MBP: variants seen among roughly 807,000 people sequenced by gnomAD.
The protein encoded by MBP is myelin basic protein.
Under a neutral mutation model 35.8 loss-of-function variants are expected in MBP, and 16 were observed. That is an observed-to-expected ratio of 0.45 (90% CI 0.30 to 0.68). The LOEUF is 0.68. Among genes scored for constraint, MBP ranks in the 30% least tolerant of loss-of-function variants. The pLI is 0.08. For synonymous variants in MBP, 143 were observed against 159.6 expected (o/e 0.90, Z 0.78); for missense variants, 380 against 404.7 (o/e 0.94, Z 0.52).
At chr18:77,078,146 C>G (rs1391604988) in intron 2 of MBP, among the ~76,000 whole-genome samples, 1 of 152,230 alleles carries the variant, frequency 6.6e-6, no homozygotes, top group Non-Finnish European at 1.5e-5. Context: ...CTCAAACCCT[C>G]TCATCTGTCT....
chr18:77,018,338 A>C, intron 3 of MBP, among the ~76,000 whole-genome samples: 1 of 125,608 alleles, frequency 8.0e-6, no homozygotes, highest in Admixed American at 8.9e-5. Flanking sequence ...TCATCCATCC[A>C]TCTATCCATC....
intron 4 of MBP, among the ~76,000 whole-genome samples, chr18:77,008,918 C>T (rs1971159677): frequency 6.6e-6 from 1 of 152,192 alleles, no homozygotes; most frequent in Non-Finnish European, 1.5e-5. Context: ...GTAAATGGTC[C>T]CCCCTTGCCG....
rs561084889 is a variant in MBP, at chr18:77,019,707, G to C, written c.140-2439C>G. Among the ~76,000 whole-genome samples the C allele has an allele frequency of 3.9e-5, 6 of 152,348 alleles. 1 individual carries two copies. Among genetic ancestry groups the C allele is most frequent in the African/African-American group, 1.2e-4 (5 of 41,584 alleles). The stretch of plus-strand genomic sequence containing the variant: ...AGAACAGGAAAGCAGAGAGGGCTTG[G>C]GTCAGCAGGAAGGTCCTTGCGGAAA... On this transcript the variant is annotated intron_variant, in intron 3 of 8. Coordinates refer to ENST00000355994, the MANE Select transcript of MBP (RefSeq NM_001025101.2).
intron 1 of MBP, chr18:77,112,945 AT>A (rs909502716): frequency 1.1e-4 from 16 of 148,170 alleles, no homozygotes; most frequent in East Asian, 2.0e-4. Context: ...AAGGAGAGGG[AT>A]TTTTTTTTTT....
At chr18:76,985,407 T>C in intron 7 of MBP, 2 of 1,222,516 alleles carry the variant, frequency 1.6e-6, no homozygotes, top group Non-Finnish European at 2.1e-6. Flanking sequence ...TCTGGTCACA[T>C]GTGCCCTGTG....
chr18:77,127,282 AG>A (rs1599290465), intron 1 of MBP: 2 of 152,370 alleles, frequency 1.3e-5, no homozygotes, highest in East Asian at 3.9e-4. Context: ...TAATGGAAGA[AG>A]GATCACCTTT....
intron 7 of MBP, chr18:76,987,136 G>T (rs111578638): frequency 1.0e-6 from 1 of 985,460 alleles, no homozygotes; most frequent in Non-Finnish European, 1.2e-6. Flanking sequence ...CGGCCTGTGT[G>T]CAACCCCCCA....
intron 3 of MBP, among the ~76,000 whole-genome samples, chr18:77,021,095 G>A (rs1031226714): frequency 9.9e-5 from 15 of 152,098 alleles, no homozygotes; most frequent in African/African-American, 1.4e-4. Flanking sequence ...TCCACCCTCC[G>A]CTCCGTACAG....
At chr18:77,027,122 G>C (rs557019241) in intron 3 of MBP, among the ~76,000 whole-genome samples, 9 of 152,216 alleles carry the variant, frequency 5.9e-5, no homozygotes, top group African/African-American at 2.2e-4. Flanking sequence ...GGAAAAGTTA[G>C]GGATGAAAAT....
chr18:77,070,741 A>G (rs570411694), intron 2 of MBP, among the ~76,000 whole-genome samples: 1 of 152,238 alleles, frequency 6.6e-6, no homozygotes, highest in East Asian at 1.9e-4. Flanking sequence ...GGAACTCGAG[A>G]GGTCCACCCT....
intron 3 of MBP, among the ~76,000 whole-genome samples, chr18:77,065,319 G>A (rs1378014647): frequency 6.6e-6 from 1 of 152,094 alleles, no homozygotes; most frequent in African/African-American, 2.4e-5. Context: ...ATTAAGAGTT[G>A]GCTCAGGCCT....
At chr18:76,997,843 G>A (rs1018647224) in intron 4 of MBP, among the ~76,000 whole-genome samples, 1 of 152,104 alleles carries the variant, frequency 6.6e-6, no homozygotes, top group Non-Finnish European at 1.5e-5. Context: ...CACCACGCCC[G>A]GCTGATTTTT....
At chr18:77,062,693 G>T (rs537640945) in intron 3 of MBP, among the ~76,000 whole-genome samples, 1 of 152,178 alleles carries the variant, frequency 6.6e-6, no homozygotes, top group Non-Finnish European at 1.5e-5. Context: ...GGAAGGCTGC[G>T]TGGTTTTAGT....
Position 77,020,501 on chromosome 18 carries a change from A to G in MBP, c.140-3233T>C, listed in dbSNP as rs1971947407. Among the ~76,000 whole-genome samples, 1 of 152,130 alleles carries G rather than the reference A, an allele frequency of 6.6e-6. No individual in the cohort carries two copies. Among genetic ancestry groups the G allele is most frequent in the African/African-American group, 2.4e-5 (1 of 41,422 alleles). ...TATGGTCCTGTCACTGCTATGACTC[A>G]TTGCAATGAGAGGTGCATGGCGAAG... On this transcript the variant is annotated intron_variant, in intron 3 of 8. Coordinates refer to ENST00000355994, the MANE Select transcript of MBP (RefSeq NM_001025101.2). This position sits in a 1 kb window ranked among gnomAD's most constrained non-coding sequence, Gnocchi z 4.1.
chr18:77,122,498 G>A (rs377069368), intron 1 of MBP, among the ~76,000 whole-genome samples: 5 of 144,408 alleles, frequency 3.5e-5, no homozygotes, highest in East Asian at 1.9e-4. Flanking sequence ...AGTGAACTGC[G>A]GCATAGAAGA....
intron 3 of MBP, among the ~76,000 whole-genome samples, chr18:77,063,388 G>C (rs1376529380): frequency 2.0e-5 from 3 of 152,312 alleles, no homozygotes; most frequent in East Asian, 3.9e-4. Context: ...TCCTGGGCCA[G>C]CCTCCCCTAG....
intron 1 of MBP, among the ~76,000 whole-genome samples, chr18:77,118,958 C>A (rs1393176414): frequency 6.6e-6 from 1 of 152,208 alleles, no homozygotes; most frequent in Non-Finnish European, 1.5e-5. Context: ...CATGGTGCTC[C>A]TTCCTGCTGT....
intron 2 of MBP, among the ~76,000 whole-genome samples, chr18:77,099,907 G>C (rs1228703992): frequency 6.6e-6 from 1 of 152,258 alleles, no homozygotes; most frequent in Non-Finnish European, 1.5e-5. Context: ...GGACAGGGCA[G>C]AGACTGCGTG....
intron 3 of MBP, among the ~76,000 whole-genome samples, chr18:77,029,257 G>A (rs1484221391): frequency 8.7e-5 from 13 of 149,112 alleles, no homozygotes; most frequent in East Asian, 6.0e-4. Context: ...AAAAAAATAC[G>A]AAAACCAGTC....
Sources: allele counts gnomAD v4.1 joint callset (sites outside exome capture counted in the v4.1 genomes callset), GRCh38; gene constraint gnomAD v4.1.1; non-coding constraint Gnocchi (gnomAD v3.1); transcripts MANE v1.5; gene names NCBI Gene and HGNC (gene_info 2026-07-23, HGNC 2026-07-21).